PRICKLE1: variants seen among roughly 807,000 people sequenced by gnomAD.
The protein encoded by PRICKLE1 is prickle-like protein 1.
PRICKLE1 carries 14 observed loss-of-function variants against 70.2 expected under a neutral mutation model. The observed-to-expected ratio is 0.20, with a 90% CI of 0.13 to 0.31. The LOEUF (loss-of-function observed/expected upper bound fraction) is 0.31, where lower values mean the gene tolerates loss of function less well. Ranked by LOEUF, PRICKLE1 falls within the 10% of genes least tolerant of loss-of-function variation. The pLI, the probability that PRICKLE1 is intolerant of heterozygous loss-of-function variation, is 1.00. For missense variants in PRICKLE1, 821 were observed against 1,026.2 expected, an observed-to-expected ratio of 0.80 and a Z score of 2.73; for synonymous variants, 357 against 379.9, an observed-to-expected ratio of 0.94 and a Z score of 0.70.
intron 1 of PRICKLE1, among the ~76,000 whole-genome samples, chr12:42,491,095 G>A (rs978780326): frequency 2.7e-5 from 4 of 150,482 alleles, no homozygotes; most frequent in African/African-American, 9.8e-5. Flanking sequence ...GGCTGGTCTC[G>A]AACTCCTGAC....
intron 1 of PRICKLE1, among the ~76,000 whole-genome samples, chr12:42,560,976 A>G (rs1423386795): frequency 6.6e-6 from 1 of 152,210 alleles, no homozygotes; most frequent in Non-Finnish European, 1.5e-5. Flanking sequence ...ATCTCTGAGG[A>G]CAGGTTATAT....
chr12:42,479,179 T>C (rs1401574764), intron 1 of PRICKLE1, among the ~76,000 whole-genome samples: 1 of 152,264 alleles, frequency 6.6e-6, no homozygotes, highest in African/African-American at 2.4e-5. Flanking sequence ...CCACTGGGAC[T>C]AAACAGACTT....
intron 1 of PRICKLE1, among the ~76,000 whole-genome samples, chr12:42,522,962 ATTT>A (rs3083872): frequency 1.4e-3 from 190 of 139,590 alleles, no homozygotes; most frequent in Admixed American, 1.7e-3. Context: ...ATTCTAACAT[ATTT>A]TTTTTTTTTT....
At chr12:42,544,267 T>C (rs1294404233) in intron 1 of PRICKLE1, among the ~76,000 whole-genome samples, 2 of 152,250 alleles carry the variant, frequency 1.3e-5, no homozygotes, top group Non-Finnish European at 2.9e-5. Context: ...ATTTTTCCAT[T>C]AGGAAGGTAT....
chr12:42,460,154 A>G lies in PRICKLE1; in HGVS notation c.2151T>C (p.Ser717=). The G allele has an allele frequency of 6.2e-7, 1 of 1,614,054 alleles. No homozygotes were observed. Among genetic ancestry groups the G allele is most frequent in the East Asian group, 2.2e-5 (1 of 44,882 alleles). ...GGATGTATGCTTGGATCTCCCGGGC[A>G]CTTTTATTCTGTATAAATTTCTCAT... The part of the protein sequence containing the change: ...DNYEKFIQNK[S]AREIQAYIQN... Residue 717 remains serine, a synonymous_variant, in exon 8 of 8, where the codon AGT becomes AGC. Transcript: ENST00000345127.
At chr12:42,502,482 AT>A (rs766758779) in intron 1 of PRICKLE1, among the ~76,000 whole-genome samples, 2 of 150,850 alleles carry the variant, frequency 1.3e-5, no homozygotes, top group Non-Finnish European at 3.0e-5. Context: ...TAATTTTTGT[AT>A]TTTTTTTGTA....
chr12:42,472,308 C>G, intron 2 of PRICKLE1, 77 bp downstream of exon 2: 2 of 1,495,888 alleles, frequency 1.3e-6, no homozygotes, highest in Admixed American at 3.5e-5. Flanking sequence ...ATGTTCTATC[C>G]ATTTACAAAA....
chr12:42,581,073 A>T (rs1442574956), intron 1 of PRICKLE1, among the ~76,000 whole-genome samples: 1 of 152,206 alleles, frequency 6.6e-6, no homozygotes, highest in Non-Finnish European at 1.5e-5. Flanking sequence ...TTAATGGCTC[A>T]GCAGCAGTTG....
chr12:42,525,755 G>C (rs1040908868), intron 1 of PRICKLE1, among the ~76,000 whole-genome samples: 1 of 146,136 alleles, frequency 6.8e-6, no homozygotes. Flanking sequence ...GACTAGTTAT[G>C]TCATCTTTCT....
At position 42,574,768 on chromosome 12, in the gene PRICKLE1, G is replaced by A. The variant is rs749219689; in HGVS notation, c.-49+14697C>T. ...AAAAGTACAGTATTTATACCGTTGTGGAGGTTTTCTTCAACTGAATCATAA... is the reference window on the plus strand; with the variant it reads ...AAAAGTACAGTATTTATACCGTTGTAGAGGTTTTCTTCAACTGAATCATAA... On this transcript the variant is annotated intron_variant, in intron 1 of 7. Coordinates refer to ENST00000345127, the MANE Select transcript of PRICKLE1 (RefSeq NM_153026.3). 5.5e-4 allele frequency among the ~76,000 whole-genome samples: 84 copies of A among 152,236 alleles called. 1 individual carries two copies. The highest frequency in any genetic ancestry group is 1.2e-3 in the Admixed American group (19 of 15,294).
chr12:42,578,402 G>C (rs1383819475), intron 1 of PRICKLE1, among the ~76,000 whole-genome samples: 1 of 152,082 alleles, frequency 6.6e-6, no homozygotes, highest in African/African-American at 2.4e-5. Flanking sequence ...TAAGGTTACA[G>C]AGTGGCATGG....
intron 1 of PRICKLE1, among the ~76,000 whole-genome samples, chr12:42,566,797 C>T (rs182789451): frequency 1.6e-4 from 24 of 152,296 alleles, no homozygotes; most frequent in Non-Finnish European, 2.4e-4. Context: ...GGGGTTAATA[C>T]AGTCATCAGG....
At chr12:42,514,697 AT>A (rs949193775) in intron 1 of PRICKLE1, among the ~76,000 whole-genome samples, 4 of 151,368 alleles carry the variant, frequency 2.6e-5, no homozygotes, top group East Asian at 1.9e-4. Flanking sequence ...TTTAAACCTA[AT>A]TTTTTTTTAC....
Position 42,468,653 on chromosome 12 carries a change from G to C in PRICKLE1, c.561C>G (p.Leu187=). The change falls in exon 5 of 8, where the codon CTC becomes CTG. Residue 187 remains leucine, a synonymous_variant. Transcript: ENST00000345127. ...IHCGRHHAEL[L]KPRCSACDEI... is the part of the protein sequence containing the mutation. Reference sequence around the variant, plus strand: ...CGTCACATGCTGAGCACCGTGGTTTGAGCAGTTCTGCATGGTGCCTGCCAC... The same window carrying C: ...CGTCACATGCTGAGCACCGTGGTTTCAGCAGTTCTGCATGGTGCCTGCCAC... 6.2e-7 allele frequency: 1 copy of C among 1,614,010 alleles called. No individual in the cohort carries two copies. The highest frequency in any genetic ancestry group is 8.5e-7 in the Non-Finnish European group (1 of 1,179,972).
intron 1 of PRICKLE1, among the ~76,000 whole-genome samples, chr12:42,555,465 T>G (rs987910384): frequency 7.9e-5 from 12 of 152,242 alleles, no homozygotes; most frequent in African/African-American, 2.7e-4. Flanking sequence ...TAGCAATGTT[T>G]CTTTTCATTG....
At chr12:42,537,451 C>T (rs1030444601) in intron 1 of PRICKLE1, among the ~76,000 whole-genome samples, 9 of 152,314 alleles carry the variant, frequency 5.9e-5, no homozygotes, top group African/African-American at 2.2e-4. Context: ...AGGCATGAGC[C>T]ACCATGCCTG....
At chr12:42,572,047 T>C (rs1252429038) in intron 1 of PRICKLE1, among the ~76,000 whole-genome samples, 1 of 152,212 alleles carries the variant, frequency 6.6e-6, no homozygotes, top group Non-Finnish European at 1.5e-5. Flanking sequence ...CCTTGAAAGA[T>C]ATATAAACAT....
chr12:42,535,079 C>T (rs941994338), intron 1 of PRICKLE1, among the ~76,000 whole-genome samples: 5 of 152,212 alleles, frequency 3.3e-5, no homozygotes, highest in Non-Finnish European at 5.9e-5. Context: ...ACCTAGCCAA[C>T]TGGAACATTC....
chr12:42,565,199 TGAGAA>T (rs1354913065), intron 1 of PRICKLE1, among the ~76,000 whole-genome samples: 1 of 152,136 alleles, frequency 6.6e-6, no homozygotes, highest in Non-Finnish European at 1.5e-5. Context: ...GGGTAGAGCC[TGAGAA>T]GAGGAGAGGG....
Sources: allele counts gnomAD v4.1 joint callset (sites outside exome capture counted in the v4.1 genomes callset), GRCh38; gene constraint gnomAD v4.1.1; transcripts MANE v1.5; gene names NCBI Gene and HGNC (gene_info 2026-07-23, HGNC 2026-07-21).